Variants in SRGAP2 observed in about 807,000 individuals in gnomAD.
The protein encoded by SRGAP2 is SLIT-ROBO Rho GTPase activating protein 2, also known as SLIT-ROBO Rho GTPase-activating protein 2.
SRGAP2 carries 15 observed loss-of-function variants against 57.2 expected under a neutral mutation model. The observed-to-expected ratio is 0.26, with a 90% CI of 0.18 to 0.40. The LOEUF (loss-of-function observed/expected upper bound fraction) is 0.40. Ranked by LOEUF, SRGAP2 falls within the 10% of genes least tolerant of loss-of-function variation. The probability of loss-of-function intolerance (pLI) is 1.00; values close to 1 mark genes in which losing one functional copy is unlikely to be tolerated. For missense variants in SRGAP2, 520 were observed against 669.6 expected (o/e 0.78, Z 2.47); for synonymous variants, 249 against 248.0 (o/e 1.00, Z -0.04).
At chr1:206,412,145 G>A (rs192663037) in intron 10 of SRGAP2, among the ~76,000 whole-genome samples, 2 of 152,258 alleles carry the variant, frequency 1.3e-5, no homozygotes, top group Admixed American at 6.5e-5. Context: ...CAACTAAAAC[G>A]TCTATCAAGG....
chr1:206,369,643 AT>A (rs1444021092), intron 4 of SRGAP2, among the ~76,000 whole-genome samples: 1 of 152,174 alleles, frequency 6.6e-6, no homozygotes. Context: ...CAACAAGCAC[AT>A]TTTTGACACT....
intron 4 of SRGAP2, among the ~76,000 whole-genome samples, chr1:206,374,141 C>G (rs1156697808): frequency 1.3e-5 from 2 of 150,222 alleles, no homozygotes; most frequent in African/African-American, 4.9e-5. Context: ...TCTCCTGCCT[C>G]AGCCTCCCGA....
intron 2 of SRGAP2, among the ~76,000 whole-genome samples, chr1:206,268,072 T>C (rs1279208027): frequency 7.0e-6 from 1 of 142,990 alleles, no homozygotes; most frequent in Non-Finnish European, 1.5e-5. Context: ...ACATGGACTA[T>C]ATATATATAT....
intron 13 of SRGAP2, 102 bp from the exon 14 acceptor site, chr1:206,430,060 G>A (rs1050628238): frequency 2.1e-5 from 15 of 729,954 alleles, no homozygotes; most frequent in African/African-American, 1.4e-4. Context: ...AGACCGGCTG[G>A]TGATCCGCTA....
chr1:206,432,998 A>C (rs1661406286), intron 14 of SRGAP2, among the ~76,000 whole-genome samples: 1 of 152,238 alleles, frequency 6.6e-6, no homozygotes, highest in Admixed American at 6.5e-5. Context: ...CAACATTGGA[A>C]GTATTTCTCC....
chr1:206,426,046 C>T (rs1558420002), intron 13 of SRGAP2, among the ~76,000 whole-genome samples: 1 of 151,978 alleles, frequency 6.6e-6, no homozygotes, highest in East Asian at 1.9e-4. Flanking sequence ...AAAGTTTTAC[C>T]ATGTTGGCCA....
intron 2 of SRGAP2, among the ~76,000 whole-genome samples, chr1:206,276,565 T>C (rs1410395290): frequency 0.028 from 4,181 of 150,602 alleles, 56 homozygotes; most frequent in Middle Eastern, 0.034. Context: ...GATTACCTTG[T>C]AGTGATGTTG....
rs752718749 is a variant in SRGAP2, at chr1:206,454,693, G to A, written c.2361-185G>A. On this transcript the variant is annotated intron_variant, in intron 20 of 22. Transcript: ENST00000573034. This position sits in a 1 kb window ranked among gnomAD's most constrained non-coding sequence, Gnocchi z 4.3. Reference sequence around the variant, plus strand: ...GCGGATTATTTATTTTTATTTAAACGACCCTTCAAAGGCCCTTAGGTTTCC... The same window carrying A: ...GCGGATTATTTATTTTTATTTAAACAACCCTTCAAAGGCCCTTAGGTTTCC... 5 of 563,602 alleles carry A rather than the reference G, an allele frequency of 8.9e-6. No homozygotes were observed. The highest frequency in any genetic ancestry group is 1.6e-5 in the Non-Finnish European group (5 of 320,314). 34.9% of individuals were successfully genotyped at this position (563,602 alleles called of 1,614,324 possible). A position where few individuals can be genotyped will look rare whatever the true frequency, so the allele number is the denominator to read the frequency against.
intron 7 of SRGAP2, among the ~76,000 whole-genome samples, chr1:206,395,966 A>G (rs1178250577): frequency 6.8e-6 from 1 of 147,544 alleles, no homozygotes; most frequent in Non-Finnish European, 1.5e-5. Context: ...CATAGGTAGT[A>G]ATAAAGTTTC....
intron 11 of SRGAP2, 81 bp from the exon 12 acceptor site, chr1:206,419,292 A>T: frequency 1.3e-6 from 1 of 769,524 alleles, no homozygotes; most frequent in Non-Finnish European, 2.4e-6. Flanking sequence ...GGAGATAGGC[A>T]TGGTAGTTAC....
At chr1:206,263,245 G>T (rs1352440831) in intron 2 of SRGAP2, among the ~76,000 whole-genome samples, 2 of 142,656 alleles carry the variant, frequency 1.4e-5, no homozygotes, top group Non-Finnish European at 3.0e-5. Flanking sequence ...TGGACCAAAT[G>T]AACCCCTTAA....
At chr1:206,386,364 CA>C (rs1553348490) in intron 5 of SRGAP2, among the ~76,000 whole-genome samples, 1 of 148,994 alleles carries the variant, frequency 6.7e-6, no homozygotes, top group African/African-American at 2.5e-5. Flanking sequence ...AGGGATACCC[CA>C]AACCTCTATG....
chr1:206,458,992 A>G (rs782464677), intron 22 of SRGAP2, 45 bp downstream of exon 22: 1 of 680,916 alleles, frequency 1.5e-6, no homozygotes, highest in South Asian at 1.7e-5. Flanking sequence ...TACATTCATC[A>G]CTACCACTTA....
chr1:206,419,626 A>T (rs1372836980), intron 12 of SRGAP2, among the ~76,000 whole-genome samples: 1 of 152,120 alleles, frequency 6.6e-6, no homozygotes, highest in Non-Finnish European at 1.5e-5. Context: ...AGCAGAACTG[A>T]GTAAAAGGGG....
intron 12 of SRGAP2, 133 bp from the exon 13 acceptor site, chr1:206,421,117 A>C: frequency 1.8e-6 from 1 of 550,676 alleles, no homozygotes; most frequent in Non-Finnish European, 3.3e-6. Flanking sequence ...TGGCTACCAC[A>C]CAGATTTTTT....
chr1:206,359,963 C>T (rs1164435424), intron 4 of SRGAP2, among the ~76,000 whole-genome samples: 63 of 150,858 alleles, frequency 4.2e-4, no homozygotes, highest in Admixed American at 1.3e-3. Context: ...CCCGCCACTA[C>T]GCCCGGCTAA....
chr1:206,423,949 AT>A (rs782243765), intron 13 of SRGAP2, among the ~76,000 whole-genome samples: 6,370 of 87,794 alleles, frequency 0.073, 209 homozygotes, highest in African/African-American at 0.15. Context: ...TAATTTATGT[AT>A]TTTTTTTTTT....
chr1:206,373,023 T>C (rs1265501461), intron 4 of SRGAP2, among the ~76,000 whole-genome samples: 1 of 128,954 alleles, frequency 7.8e-6, no homozygotes, highest in African/African-American at 3.0e-5. Flanking sequence ...CTTTCTTTCT[T>C]TCTTTTCTTT....
chr1:206,333,270 A>T (rs1674514886), intron 3 of SRGAP2: 1 of 1,158,818 alleles, frequency 8.6e-7, no homozygotes, highest in African/African-American at 1.5e-5. Flanking sequence ...TGGGAGCTGT[A>T]GACCGGAGCT....
Sources: allele counts gnomAD v4.1 joint callset (sites outside exome capture counted in the v4.1 genomes callset), GRCh38; gene constraint gnomAD v4.1.1; non-coding constraint Gnocchi (gnomAD v3.1); transcripts MANE v1.5; gene names NCBI Gene and HGNC (gene_info 2026-07-23, HGNC 2026-07-21).